The following PREX2 variants were observed in gnomAD, a reference collection of about 807,000 sequenced individuals.
PREX2 encodes phosphatidylinositol-3,4,5-trisphosphate dependent Rac exchange factor 2.
PREX2 carries 107 observed loss-of-function variants against 203.2 expected under a neutral mutation model. The ratio of observed to expected loss-of-function variants is 0.53; its 90% CI spans 0.45 to 0.62. The LOEUF is 0.62. PREX2 is among the 20% of genes least tolerant of loss of function. PREX2 has a pLI of 0.00. For missense variants in PREX2, 1,777 were observed against 1,955.9 expected (o/e 0.91, Z 1.72); for synonymous variants, 672 against 663.6 (o/e 1.01, Z -0.19).
At chr8:68,027,997 C>T (rs369217632) in intron 5 of PREX2, among the ~76,000 whole-genome samples, 38 of 152,064 alleles carry the variant, frequency 2.5e-4, no homozygotes, top group African/African-American at 8.7e-4. Context: ...TTTGAAACTG[C>T]GTTTTTTGGA....
intron 10 of PREX2, among the ~76,000 whole-genome samples, chr8:68,058,190 C>A (rs954715051): frequency 6.6e-6 from 1 of 152,164 alleles, no homozygotes; most frequent in African/African-American, 2.4e-5. Context: ...TTATTCTCGA[C>A]CTCTCACTCT....
intron 1 of PREX2, among the ~76,000 whole-genome samples, chr8:67,968,202 A>T (rs1456586459): frequency 1.3e-5 from 2 of 152,100 alleles, no homozygotes; most frequent in African/African-American, 4.8e-5. Flanking sequence ...TGTGGCCTGT[A>T]AAGTGCTATT....
chr8:68,088,603 T>C (rs1421894930), intron 19 of PREX2, among the ~76,000 whole-genome samples: 1 of 141,532 alleles, frequency 7.1e-6, no homozygotes, highest in Non-Finnish European at 1.6e-5. Context: ...AAGGACATAC[T>C]AGCTAGACCT....
intron 1 of PREX2, among the ~76,000 whole-genome samples, chr8:67,980,731 C>G (rs758778568): frequency 3.3e-5 from 5 of 152,176 alleles, no homozygotes; most frequent in African/African-American, 7.2e-5. Context: ...CTCACTAGAT[C>G]TGATGGTTTA....
chr8:68,062,473 C>T (rs1418919511), intron 11 of PREX2, among the ~76,000 whole-genome samples: 1 of 152,198 alleles, frequency 6.6e-6, no homozygotes, highest in Non-Finnish European at 1.5e-5. Context: ...AGCCTGACAC[C>T]TCGCATTGTA....
intron 30 of PREX2, among the ~76,000 whole-genome samples, 176 bp downstream of exon 30, chr8:68,121,225 G>T (rs528381162): frequency 1.1e-4 from 17 of 152,106 alleles, no homozygotes; most frequent in South Asian, 4.2e-4. Context: ...AAGATTATAG[G>T]GTCTTGTGTC....
At chr8:67,983,131 A>G (rs935667612) in intron 1 of PREX2, among the ~76,000 whole-genome samples, 1 of 152,200 alleles carries the variant, frequency 6.6e-6, no homozygotes, top group Non-Finnish European at 1.5e-5. Flanking sequence ...TTAAGCAGAT[A>G]TGCTAATTTC....
At chr8:67,995,990 G>T (rs1237506110) in intron 1 of PREX2, among the ~76,000 whole-genome samples, 1 of 152,000 alleles carries the variant, frequency 6.6e-6, no homozygotes, top group Non-Finnish European at 1.5e-5. Context: ...CCAATACTTG[G>T]TATTGTCATT....
intron 35 of PREX2, among the ~76,000 whole-genome samples, chr8:68,187,497 C>G (rs557215113): frequency 3.5e-4 from 54 of 152,296 alleles, no homozygotes; most frequent in African/African-American, 1.2e-3. Context: ...GCTTATCACA[C>G]TAATGATCAT....
At chr8:68,164,911 G>T (rs1347395484) in intron 35 of PREX2, among the ~76,000 whole-genome samples, 45 of 125,878 alleles carry the variant, frequency 3.6e-4, no homozygotes, top group Middle Eastern at 4.4e-3. Context: ...TTTACCAAAG[G>T]CACTCTCCTG....
At chr8:67,993,978 AAG>A (rs1367058287) in intron 1 of PREX2, among the ~76,000 whole-genome samples, 1 of 152,184 alleles carries the variant, frequency 6.6e-6, no homozygotes, top group Non-Finnish European at 1.5e-5. Context: ...CTGATAATTG[AAG>A]AGAGAAGTGA....
intron 23 of PREX2, chr8:68,103,691 T>C (rs749186073): frequency 7.7e-6 from 4 of 519,422 alleles, no homozygotes; most frequent in Admixed American, 5.8e-5. Context: ...ACTATCCTGA[T>C]AGCATTCCTT....
At chr8:68,046,912 A>C (rs905083699) in intron 8 of PREX2, among the ~76,000 whole-genome samples, 3 of 152,006 alleles carry the variant, frequency 2.0e-5, no homozygotes, top group African/African-American at 7.2e-5. Flanking sequence ...GAATAATAGA[A>C]ATTTTGAAGA....
chr8:68,182,400 A>G (rs575191145), intron 35 of PREX2, among the ~76,000 whole-genome samples: 1 of 152,208 alleles, frequency 6.6e-6, no homozygotes, highest in African/African-American at 2.4e-5. Flanking sequence ...ATTGGTAAGC[A>G]TACTCACTCT....
intron 35 of PREX2, among the ~76,000 whole-genome samples, chr8:68,179,323 G>T (rs1812040997): frequency 6.6e-6 from 1 of 152,008 alleles, no homozygotes; most frequent in Non-Finnish European, 1.5e-5. Context: ...TGAGCTAGGG[G>T]ACATAGGTTG....
intron 25 of PREX2, among the ~76,000 whole-genome samples, chr8:68,112,592 A>G (rs147004069): frequency 2.6e-5 from 4 of 152,182 alleles, no homozygotes; most frequent in Non-Finnish European, 5.9e-5. Flanking sequence ...ATAAAAGCCA[A>G]CTTTTTTATA....
At chr8:68,099,602 T>C in intron 22 of PREX2, 80 bp from the exon 23 acceptor site, 1 of 1,371,426 alleles carries the variant, frequency 7.3e-7, no homozygotes, top group Non-Finnish European at 1.0e-6. Flanking sequence ...GTTTTTCTTC[T>C]TGTTTCGTTT....
chr8:68,029,039 A>G (rs1807808401), intron 5 of PREX2, among the ~76,000 whole-genome samples: 1 of 151,968 alleles, frequency 6.6e-6, no homozygotes. Flanking sequence ...TGGCATTGAT[A>G]TTTGTCTGTG....
chr8:67,986,344 TGAA>T (rs33970019), intron 1 of PREX2, among the ~76,000 whole-genome samples: 59,784 of 151,518 alleles, frequency 0.39, 12,021 homozygotes, highest in East Asian at 0.6. Flanking sequence ...GGATTTGAAC[TGAA>T]GAAGTCTTGT....
Sources: gnomAD v4.1 joint callset for allele counts (sites outside exome capture counted in the v4.1 genomes callset) on GRCh38, gnomAD v4.1.1 for gene constraint, MANE v1.5 for transcripts, NCBI Gene and HGNC (gene_info 2026-07-23, HGNC 2026-07-21) for gene names.